Variants in MAP4 observed in about 807,000 individuals in gnomAD.
MAP4 encodes microtubule associated protein 4, also known as microtubule-associated protein 4.
In MAP4, 76 loss-of-function variants were observed where a neutral mutation model predicts 170.2. That is an observed-to-expected ratio of 0.45 (90% CI 0.37 to 0.54). The LOEUF (loss-of-function observed/expected upper bound fraction) is 0.54, where lower values mean the gene tolerates loss of function less well. Among genes scored for constraint, MAP4 ranks in the 20% least tolerant of loss-of-function variants. MAP4 has a pLI of 0.00. For missense variants in MAP4, 2,506 were observed against 2,748.0 expected (o/e 0.91, Z 1.97); for synonymous variants, 909 against 994.5 (o/e 0.91, Z 1.62).
In MAP4 at chr3:47,916,339, T is replaced by TGTGGACGGAGCCACATCC. The variant is rs1454215977; in HGVS notation, c.1470_1487dup (p.Asp491_Thr496dup). The TGTGGACGGAGCCACATCC allele has an allele frequency of 2.5e-6, 4 of 1,614,264 alleles. No homozygotes were observed. Among genetic ancestry groups the TGTGGACGGAGCCACATCC allele is most frequent in the Non-Finnish European group, 2.5e-6 (3 of 1,180,044 alleles). ...CCTTCAACAAGCCCACTTCTTTTAC[T>TGTGGACGGAGCCACATCC]GTGGACGGAGCCACATCCTTGGCCG... On this transcript the variant is annotated inframe_insertion, in exon 7 of 21. Coordinates refer to ENST00000683076, the MANE Select transcript of MAP4 (RefSeq NM_001385682.1).
chr3:47,878,044 G>T (rs2095866254), intron 10 of MAP4, among the ~76,000 whole-genome samples: 1 of 152,156 alleles, frequency 6.6e-6, no homozygotes, highest in African/African-American at 2.4e-5. Context: ...ACAAGGCCAA[G>T]GAGACCCATG....
At chr3:47,966,135 TTTAC>T (rs1233363638) in intron 3 of MAP4, among the ~76,000 whole-genome samples, 2 of 151,384 alleles carry the variant, frequency 1.3e-5, no homozygotes, top group Non-Finnish European at 2.9e-5. Flanking sequence ...AGCGGTGTAC[TTTAC>T]CATAGCTCAC....
intron 1 of MAP4, among the ~76,000 whole-genome samples, chr3:48,042,061 T>G (rs1249095290): frequency 6.6e-6 from 1 of 152,316 alleles, no homozygotes; most frequent in South Asian, 2.1e-4. Flanking sequence ...CTGGTAAACA[T>G]GTGTTTTCGA....
Position 47,992,881 on chromosome 3 carries a change from G to A in MAP4, c.223+5757C>T, listed in dbSNP as rs181510222. Among the ~76,000 whole-genome samples, 55 of 149,672 alleles carry A rather than the reference G, an allele frequency of 3.7e-4. 1 individual carries two copies. Among genetic ancestry groups the A allele is most frequent in the Non-Finnish European group, 4.4e-5 (3 of 67,716 alleles). On this transcript the variant is annotated intron_variant, in intron 2 of 20. Transcript: ENST00000683076. ...ACTGTGCCACCGCACTCCAGCCTGG[G>A]TGACAGAGAGACACTCCATCTTAAA... is the stretch of plus-strand genomic sequence containing the variant.
intron 3 of MAP4, among the ~76,000 whole-genome samples, chr3:47,952,084 G>A (rs1436924447): frequency 4.3e-5 from 6 of 138,106 alleles, no homozygotes; most frequent in East Asian, 4.8e-4. Flanking sequence ...CGGCCGCCCC[G>A]TCTGAGAAGT....
chr3:48,027,660 C>T (rs949325364), intron 1 of MAP4, among the ~76,000 whole-genome samples: 3 of 152,008 alleles, frequency 2.0e-5, no homozygotes, highest in Non-Finnish European at 4.4e-5. Context: ...GCCTGGGCAG[C>T]ACAGTGAAAC....
chr3:48,045,447 T>C (rs1268184418), intron 1 of MAP4, among the ~76,000 whole-genome samples: 2 of 151,996 alleles, frequency 1.3e-5, no homozygotes, highest in African/African-American at 4.8e-5. Context: ...GCACAAACCC[T>C]ACTGTGAACT....
At chr3:47,886,699 C>A (rs571703666) in intron 10 of MAP4, among the ~76,000 whole-genome samples, 2 of 152,352 alleles carry the variant, frequency 1.3e-5, no homozygotes, top group East Asian at 3.9e-4. Context: ...ATGAACTGTG[C>A]TCTTCTGTTG....
intron 1 of MAP4, among the ~76,000 whole-genome samples, chr3:48,007,281 A>G (rs1163367876): frequency 1.3e-5 from 2 of 152,188 alleles, no homozygotes; most frequent in East Asian, 1.9e-4. Flanking sequence ...GGACCTGTTG[A>G]GATATTCCCT....
Position 47,871,945 on chromosome 3 carries a change from G to A in MAP4, c.5913C>T (p.Pro1971=). ...TGGGCTTCTTGGGCAGGAGCGTGGAGGGGCTCCTACTGCTTGGGCCAGTTG... is the reference window on the plus strand; with the variant it reads ...TGGGCTTCTTGGGCAGGAGCGTGGAAGGGCTCCTACTGCTTGGGCCAGTTG... ...VASTGPSSRS[P]STLLPKKPTA... The change falls in exon 13 of 21, where the codon CCC becomes CCT. Residue 1971 remains proline, a synonymous_variant. Coordinates refer to ENST00000683076, the MANE Select transcript of MAP4 (RefSeq NM_001385682.1). The A allele has an allele frequency of 1.2e-6, 2 of 1,613,124 alleles. No homozygotes were observed. The highest frequency in any genetic ancestry group is 1.7e-6 in the Non-Finnish European group (2 of 1,179,258).
At chr3:48,009,202 G>A (rs2100103986) in intron 1 of MAP4, among the ~76,000 whole-genome samples, 1 of 152,140 alleles carries the variant, frequency 6.6e-6, no homozygotes, top group Admixed American at 6.6e-5. Flanking sequence ...CCGGGTTCAA[G>A]TGATTCTCCT....
intron 3 of MAP4, among the ~76,000 whole-genome samples, chr3:47,967,898 G>A (rs915025058): frequency 6.6e-6 from 1 of 151,394 alleles, no homozygotes; most frequent in African/African-American, 2.4e-5. Flanking sequence ...AGAGTTCCAG[G>A]CTGCTATGAT....
chr3:47,915,091 G>A, intron 7 of MAP4, 152 bp from the exon 8 acceptor site: 1 of 856,918 alleles, frequency 1.2e-6, no homozygotes, highest in Non-Finnish European at 1.8e-6. Flanking sequence ...GCTGAAGTTG[G>A]GAAGGTATGT....
chr3:47,903,028 TAAG>T (rs1001995094), intron 9 of MAP4, 28 bp from the exon 10 acceptor site: 1 of 968,960 alleles, frequency 1.0e-6, no homozygotes, highest in Non-Finnish European at 1.2e-6. Flanking sequence ...AGCCAGATTA[TAAG>T]AAGACCAGGC....
At chr3:48,049,995 C>A (rs2154548079) in intron 1 of MAP4, among the ~76,000 whole-genome samples, 1 of 151,526 alleles carries the variant, frequency 6.6e-6, no homozygotes, top group Non-Finnish European at 1.5e-5. Context: ...TGCAGTGGCC[C>A]ATACCTGTAA....
At chr3:47,885,664 T>C (rs1368610262) in intron 10 of MAP4, among the ~76,000 whole-genome samples, 1 of 152,166 alleles carries the variant, frequency 6.6e-6, no homozygotes, top group Non-Finnish European at 1.5e-5. Context: ...AGTATTTTTC[T>C]AGTTTTAAAA....
intron 1 of MAP4, among the ~76,000 whole-genome samples, chr3:48,062,916 ACT>A (rs945679189): frequency 1.3e-5 from 2 of 149,936 alleles, no homozygotes; most frequent in African/African-American, 4.9e-5. Context: ...CAAGAGTGAA[ACT>A]CTGTCTCAAA....
intron 1 of MAP4, among the ~76,000 whole-genome samples, chr3:48,007,038 G>A (rs1045238580): frequency 2.0e-5 from 3 of 152,202 alleles, no homozygotes; most frequent in East Asian, 3.8e-4. Context: ...TCAACTCTCC[G>A]GCTTTGTGTC....
chr3:47,871,879 C>G, intron 13 of MAP4, 38 bp downstream of exon 13: 1 of 1,561,630 alleles, frequency 6.4e-7, no homozygotes, highest in Non-Finnish European at 8.7e-7. Flanking sequence ...CCCATTTTCC[C>G]CTCCCTAGTT....
Sources: allele counts gnomAD v4.1 joint callset (sites outside exome capture counted in the v4.1 genomes callset), GRCh38; gene constraint gnomAD v4.1.1; transcripts MANE v1.5; gene names NCBI Gene and HGNC (gene_info 2026-07-23, HGNC 2026-07-21).